Variants in SDK1 observed in about 807,000 individuals in gnomAD.
The protein encoded by SDK1 is sidekick cell adhesion molecule 1, also known as protein sidekick-1.
A neutral mutation model predicts 245.5 loss-of-function variants in SDK1; 157 were observed. The observed-to-expected ratio is 0.64, with a 90% CI of 0.56 to 0.73. SDK1 has a LOEUF of 0.73. Among genes scored for constraint, SDK1 ranks in the 30% least tolerant of loss-of-function variants. SDK1 has a pLI of 0.00. For missense variants in SDK1, 3,583 were observed against 3,002.3 expected (o/e 1.19, Z -4.52); for synonymous variants, 1,647 against 1,278.5 (o/e 1.29, Z -6.15).
At chr7:3,437,011 G>T (rs1780048339) in intron 1 of SDK1, among the ~76,000 whole-genome samples, 1 of 152,120 alleles carries the variant, frequency 6.6e-6, no homozygotes, top group Non-Finnish European at 1.5e-5. Flanking sequence ...TATATGTAAG[G>T]GGCAGCGGCT....
chr7:4,105,517 G>A (rs1477343527), intron 22 of SDK1, among the ~76,000 whole-genome samples: 2 of 151,180 alleles, frequency 1.3e-5, no homozygotes, highest in African/African-American at 2.4e-5. Flanking sequence ...ATGTTGGCCA[G>A]GCTGGTCTTG....
intron 1 of SDK1, among the ~76,000 whole-genome samples, chr7:3,552,350 C>G (rs1779446784): frequency 6.6e-6 from 1 of 152,132 alleles, no homozygotes; most frequent in African/African-American, 2.4e-5. Context: ...TGATTTTACT[C>G]TTTTGAACCC....
Position 4,264,654 on chromosome 7 carries a change from A to G in SDK1, c.6382-470A>G, listed in dbSNP as rs141786868. ...TCTCCTGGGGTAAGGAAGGCCGTGT[A>G]GACCTCTCCTGAGTGAGGGAGGCTG... On this transcript the variant is annotated intron_variant, in intron 44 of 44. Coordinates refer to ENST00000404826, the MANE Select transcript of SDK1 (RefSeq NM_152744.4). Among the ~76,000 whole-genome samples the G allele has an allele frequency of 2.9e-3, 393 of 135,876 alleles. 7 individuals carry two copies. Among genetic ancestry groups the G allele is most frequent in the African/African-American group, 0.01 (353 of 34,930 alleles). 89.1% of individuals were successfully genotyped at this position (135,876 alleles called of 152,430 possible).
At chr7:3,328,727 T>C (rs1779994889) in intron 1 of SDK1, among the ~76,000 whole-genome samples, 1 of 152,252 alleles carries the variant, frequency 6.6e-6, no homozygotes, top group Middle Eastern at 3.4e-3. Context: ...TTATGTGCCT[T>C]AGAAATCTTT....
chr7:4,194,061 T>C (rs1236453926), intron 35 of SDK1, among the ~76,000 whole-genome samples: 2 of 152,124 alleles, frequency 1.3e-5, no homozygotes, highest in African/African-American at 2.4e-5. Context: ...TCTAATCATA[T>C]TAAGCAGCCA....
At chr7:3,393,459 T>C (rs936210156) in intron 1 of SDK1, among the ~76,000 whole-genome samples, 1 of 152,172 alleles carries the variant, frequency 6.6e-6, no homozygotes, top group African/African-American at 2.4e-5. Flanking sequence ...TTTTTAATTT[T>C]CCTTTCCTAT....
intron 1 of SDK1, among the ~76,000 whole-genome samples, chr7:3,409,425 G>A (rs1030428529): frequency 6.6e-6 from 1 of 152,018 alleles, no homozygotes; most frequent in South Asian, 2.1e-4. Flanking sequence ...CAGTCAGGTG[G>A]CTGTTCTGCC....
At chr7:3,667,592 A>G (rs1301178967) in intron 4 of SDK1, among the ~76,000 whole-genome samples, 1 of 152,204 alleles carries the variant, frequency 6.6e-6, no homozygotes, top group Non-Finnish European at 1.5e-5. Context: ...CCCACACTCC[A>G]TTGTGATCAA....
At chr7:4,096,143 G>A (rs2128185422) in intron 22 of SDK1, among the ~76,000 whole-genome samples, 1 of 152,306 alleles carries the variant, frequency 6.6e-6, no homozygotes, top group African/African-American at 2.4e-5. Flanking sequence ...GTGTTTATAA[G>A]CACATCAGGC....
intron 14 of SDK1, among the ~76,000 whole-genome samples, chr7:4,007,018 T>TAGG (rs1785533820): frequency 1.3e-5 from 2 of 152,210 alleles, no homozygotes; most frequent in South Asian, 4.2e-4. Flanking sequence ...GACTGTCTCT[T>TAGG]TCTGAAACGA....
intron 1 of SDK1, among the ~76,000 whole-genome samples, chr7:3,604,389 C>T (rs1287614478): frequency 2.6e-5 from 4 of 152,098 alleles, no homozygotes; most frequent in Non-Finnish European, 5.9e-5. Flanking sequence ...TTTATTTTCA[C>T]TTTCCTTCTT....
At chr7:3,416,336 CG>C (rs1219832205) in intron 1 of SDK1, among the ~76,000 whole-genome samples, 1 of 152,058 alleles carries the variant, frequency 6.6e-6, no homozygotes, top group African/African-American at 2.4e-5. Context: ...ACTGTGCTCC[CG>C]TTCTAGGGCC....
intron 4 of SDK1, among the ~76,000 whole-genome samples, chr7:3,656,502 G>T (rs1052766813): frequency 6.6e-6 from 1 of 152,070 alleles, no homozygotes; most frequent in African/African-American, 2.4e-5. Context: ...GGACTCTAAG[G>T]GGGTACTGCT....
rs1313059055 is a variant in SDK1, at chr7:3,715,024, G to C, written c.713+72919G>C. Reference sequence around the variant, plus strand: ...AAGTAAAAAATAAATGAAGAATCAAGTAGAGAGAATACTCATCTCTCAGAT... The same window carrying C: ...AAGTAAAAAATAAATGAAGAATCAACTAGAGAGAATACTCATCTCTCAGAT... On this transcript the variant is annotated intron_variant, in intron 4 of 44. Coordinates refer to ENST00000404826, the MANE Select transcript of SDK1 (RefSeq NM_152744.4). Among the ~76,000 whole-genome samples, 8 of 152,134 alleles carry C rather than the reference G, an allele frequency of 5.3e-5. 1 individual carries two copies. The highest frequency in any genetic ancestry group is 5.2e-4 in the Admixed American group (8 of 15,270).
chr7:3,454,752 A>AG (rs1780622468), intron 1 of SDK1, among the ~76,000 whole-genome samples: 1 of 152,150 alleles, frequency 6.6e-6, no homozygotes, highest in Admixed American at 6.6e-5. Context: ...AGCCCTTTGG[A>AG]GGACATCTAG....
chr7:4,207,360 G>A (rs1355121517), intron 36 of SDK1, among the ~76,000 whole-genome samples: 1 of 152,202 alleles, frequency 6.6e-6, no homozygotes, highest in Non-Finnish European at 1.5e-5. Context: ...CTGGTCGGAG[G>A]TAGCAGTGGT....
intron 1 of SDK1, among the ~76,000 whole-genome samples, chr7:3,455,555 A>G (rs545407806): frequency 6.6e-6 from 1 of 152,066 alleles, no homozygotes; most frequent in East Asian, 1.9e-4. Context: ...CTTGCCCTGA[A>G]TTGCTTTTTC....
At chr7:3,831,807 G>A (rs1779918925) in intron 5 of SDK1, among the ~76,000 whole-genome samples, 2 of 152,118 alleles carry the variant, frequency 1.3e-5, no homozygotes, top group Non-Finnish European at 2.9e-5. Context: ...AGTGCTTTGG[G>A]AGGCTGAGGC....
In SDK1 at chr7:3,985,086, A is replaced by G. The variant is rs185111234; in HGVS notation, c.1995-2100A>G. ...CCGTCACCACTGGCTCAAAGCCCCA[A>G]CCCTCTTATCCCCATGACTGGCCTT... is the stretch of plus-strand genomic sequence containing the variant. On this transcript the variant is annotated intron_variant, in intron 13 of 44. Coordinates refer to ENST00000404826, the MANE Select transcript of SDK1 (RefSeq NM_152744.4). 2.1e-3 allele frequency among the ~76,000 whole-genome samples: 322 copies of G among 152,156 alleles called. 1 individual carries two copies. The highest frequency in any genetic ancestry group is 1.2e-3 in the Non-Finnish European group (84 of 68,006).
Sources: allele counts gnomAD v4.1 joint callset (sites outside exome capture counted in the v4.1 genomes callset), GRCh38; gene constraint gnomAD v4.1.1; transcripts MANE v1.5; gene names NCBI Gene and HGNC (gene_info 2026-07-23, HGNC 2026-07-21).